Variants in PIWIL1 observed in about 807,000 individuals in gnomAD.
PIWIL1 encodes the protein piwi-like protein 1.
PIWIL1 carries 73 observed loss-of-function variants against 114.4 expected under a neutral mutation model. That is an observed-to-expected ratio of 0.64 (90% CI 0.53 to 0.78). The LOEUF (loss-of-function observed/expected upper bound fraction) is 0.78, where lower values mean the gene tolerates loss of function less well. Ranked by LOEUF, PIWIL1 falls within the 30% of genes least tolerant of loss-of-function variation. The pLI is 0.00. For missense variants in PIWIL1, 723 were observed against 1,063.1 expected, an observed-to-expected ratio of 0.68 and a Z score of 4.45; for synonymous variants, 375 against 369.0, an observed-to-expected ratio of 1.02 and a Z score of -0.19.
At chr12:130,339,783 C>G (rs752183705) in intron 1 of PIWIL1, 1 of 152,150 alleles carries the variant, frequency 6.6e-6, no homozygotes, top group Non-Finnish European at 1.5e-5. Flanking sequence ...TGCTTCCAGT[C>G]GGCTTCTAAC....
At chr12:130,424,571 G>C in the PIWIL1 span, 19 of 1,231,984 alleles carry the variant, frequency 1.5e-5, no homozygotes, top group Non-Finnish European at 1.8e-5. This position sits in a 1 kb window ranked among gnomAD's most constrained non-coding sequence, Gnocchi z 9.8. Context: ...CTTCCAGAAG[G>C]AAGTCCTCCA....
At chr12:130,360,421 T>G (rs1489601455) in intron 14 of PIWIL1, among the ~76,000 whole-genome samples, 1 of 151,980 alleles carries the variant, frequency 6.6e-6, no homozygotes, top group Non-Finnish European at 1.5e-5. Flanking sequence ...GGATCACAAG[T>G]CAGGAGATTG....
intron 1 of PIWIL1, among the ~76,000 whole-genome samples, chr12:130,340,464 G>T: frequency 6.6e-6 from 1 of 151,954 alleles, no homozygotes; most frequent in East Asian, 1.9e-4. Flanking sequence ...CAGACCCTTG[G>T]CACGCCGACT....
chr12:130,348,232 T>C (rs1355539626), intron 7 of PIWIL1, 49 bp downstream of exon 7: 4 of 1,061,934 alleles, frequency 3.8e-6, no homozygotes, highest in Non-Finnish European at 5.7e-6. Flanking sequence ...AATGACAGAC[T>C]TTTGAGACGA....
chr12:130,340,154 T>C (rs1411209993), intron 1 of PIWIL1, among the ~76,000 whole-genome samples: 1 of 152,134 alleles, frequency 6.6e-6, no homozygotes, highest in Non-Finnish European at 1.5e-5. Context: ...GAGCTGGTCC[T>C]TAAGCGGTTC....
At chr12:130,345,926 A>C (rs1197532933) in intron 4 of PIWIL1, 48 bp downstream of exon 4, 13 of 1,595,296 alleles carry the variant, frequency 8.1e-6, no homozygotes, top group South Asian at 1.1e-5. Flanking sequence ...TCAGGAACAC[A>C]GGACAGTGAA....
At chr12:130,339,279 G>C (rs959220668) in intron 1 of PIWIL1, among the ~76,000 whole-genome samples, 1 of 152,152 alleles carries the variant, frequency 6.6e-6, no homozygotes, top group Non-Finnish European at 1.5e-5. Context: ...GTGGCGTCCT[G>C]GGATGGATGC....
Position 130,357,504 on chromosome 12 carries a change from A to G in PIWIL1, c.1616A>G (p.Glu539Gly). 6.2e-7 allele frequency: 1 copy of G among 1,613,520 alleles called. No homozygotes were observed. The highest frequency in any genetic ancestry group is 8.5e-7 in the Non-Finnish European group (1 of 1,179,438). The change falls in exon 14 of 21, where the codon GAA becomes GGA. Residue 539 changes from glutamate (E) to glycine (G), a missense_variant. Around this residue, in one of 8 missense-constraint regions of PIWIL1, gnomAD observed 298 missense variants for 420.8 expected, o/e 0.71. Transcript: ENST00000245255. ...AIMIEVDDRT[E>G]AYLRVLQQKV... Reference sequence around the variant, plus strand: ...AGGATTGAAGTGGATGACAGAACTGAAGCCTACTTAAGAGTCTTACAGCAA... The same window carrying G: ...AGGATTGAAGTGGATGACAGAACTGGAGCCTACTTAAGAGTCTTACAGCAA...
intron 7 of PIWIL1, among the ~76,000 whole-genome samples, chr12:130,348,435 TA>T (rs2073128418): frequency 6.6e-6 from 1 of 152,144 alleles, no homozygotes; most frequent in South Asian, 2.1e-4. Context: ...CCTTAGGTAA[TA>T]AAAATAATCA....
chr12:130,360,410 C>T (rs771924439), intron 14 of PIWIL1, among the ~76,000 whole-genome samples: 33 of 151,972 alleles, frequency 2.2e-4, no homozygotes, highest in African/African-American at 7.5e-4. Context: ...CCGAGGCAGG[C>T]GGATCACAAG....
At chr12:130,425,229 C>G in the PIWIL1 span, 1,271 of 182,424 alleles carry the variant, frequency 7.0e-3, 12 homozygotes, top group African/African-American at 0.027. Context: ...GGGGAGACTG[C>G]CCGGGGGCTA....
At chr12:130,391,146 T>C in the PIWIL1 span, among the ~76,000 whole-genome samples, 23 of 152,344 alleles carry the variant, frequency 1.5e-4, no homozygotes, top group Non-Finnish European at 2.8e-4. Context: ...CAGGAGTTGC[T>C]GATTTGGATG....
intron 9 of PIWIL1, among the ~76,000 whole-genome samples, chr12:130,354,255 A>C (rs188242597): frequency 4.5e-4 from 69 of 152,274 alleles, no homozygotes; most frequent in African/African-American, 1.7e-3. Context: ...AAAATTAAGC[A>C]ATGAGAACTG....
the PIWIL1 span, chr12:130,397,717 C>T: frequency 7.7e-6 from 3 of 388,278 alleles, no homozygotes; most frequent in East Asian, 3.7e-5. Flanking sequence ...TCCCACAGCA[C>T]GCCAGAGAGA....
the PIWIL1 span, among the ~76,000 whole-genome samples, chr12:130,395,570 T>A: frequency 6.6e-6 from 1 of 152,200 alleles, no homozygotes; most frequent in Admixed American, 6.5e-5. Context: ...CTGGATACTT[T>A]TTGTTAGCAA....
the PIWIL1 span, chr12:130,399,573 T>G: frequency 7.4e-7 from 1 of 1,345,344 alleles, no homozygotes; most frequent in African/African-American, 1.5e-5. Flanking sequence ...TCAGGGTGTA[T>G]TTACGCTTTT....
the PIWIL1 span, chr12:130,422,643 G>A: frequency 1.0e-6 from 1 of 990,008 alleles, no homozygotes; most frequent in Non-Finnish European, 1.5e-6. The surrounding 1 kb of genome is among the most constrained non-coding windows in gnomAD (Gnocchi z 5.2). Flanking sequence ...CAAGCGGGTT[G>A]AAAAGCAGAA....
the PIWIL1 span, among the ~76,000 whole-genome samples, chr12:130,408,233 A>C: frequency 1.3e-5 from 2 of 152,316 alleles, no homozygotes; most frequent in Non-Finnish European, 2.9e-5. Context: ...CCATAGACAC[A>C]GTTTTAAAAG....
the PIWIL1 span, among the ~76,000 whole-genome samples, chr12:130,386,001 C>T: frequency 6.6e-6 from 1 of 152,142 alleles, no homozygotes; most frequent in Non-Finnish European, 1.5e-5. Flanking sequence ...TCTGAAGCTC[C>T]TTGCTGCATG....
Sources: allele counts gnomAD v4.1 joint callset (sites outside exome capture counted in the v4.1 genomes callset), GRCh38; gene constraint gnomAD v4.1.1; regional missense constraint gnomAD v4.1.1; non-coding constraint Gnocchi (gnomAD v3.1); transcripts MANE v1.5; gene names NCBI Gene and HGNC (gene_info 2026-07-23, HGNC 2026-07-21).